The following TPD52L2 variants were observed in gnomAD, a reference collection of about 807,000 sequenced individuals.
TPD52L2 encodes tumor protein D54.
Under a neutral mutation model 24.7 loss-of-function variants are expected in TPD52L2, and 19 were observed. The ratio of observed to expected loss-of-function variants is 0.77; its 90% confidence interval spans 0.54 to 1.13. The LOEUF (loss-of-function observed/expected upper bound fraction) is 1.13. Ranked by LOEUF, TPD52L2 falls within the 50% of genes most tolerant of loss-of-function variation. The probability of loss-of-function intolerance (pLI) is 0.00; values close to 1 mark genes in which losing one functional copy is unlikely to be tolerated. For synonymous variants in TPD52L2, 104 were observed against 100.2 expected, an observed-to-expected ratio of 1.04 and a Z score of -0.23; for missense variants, 236 against 250.4, an observed-to-expected ratio of 0.94 and a Z score of 0.39.
chr20:63,876,793 G>A (rs1004874308), intron 4 of TPD52L2: 66 of 455,876 alleles, frequency 1.4e-4, no homozygotes, highest in Admixed American at 1.2e-3. Flanking sequence ...AACCCCGGGC[G>A]GTTCTCGGCA....
At chr20:63,885,948 C>T in intron 5 of TPD52L2, 5 of 1,560,180 alleles carry the variant, frequency 3.2e-6, no homozygotes, top group Non-Finnish European at 4.4e-6. Flanking sequence ...CCGAGGAGGG[C>T]TGTGAGTGGG....
At chr20:63,876,211 A>G (rs2052671686) in intron 4 of TPD52L2, among the ~76,000 whole-genome samples, 4 of 152,140 alleles carry the variant, frequency 2.6e-5, no homozygotes, top group South Asian at 4.1e-4. Flanking sequence ...GCTGGACAAC[A>G]CCACTTGGCC....
intron 5 of TPD52L2, among the ~76,000 whole-genome samples, chr20:63,886,430 G>A (rs534983600): frequency 1.5e-4 from 23 of 151,536 alleles, no homozygotes; most frequent in East Asian, 3.9e-4. Context: ...GCGCGATCTC[G>A]GCTCACTGCA....
chr20:63,887,831 C>G (rs1420037827), intron 5 of TPD52L2: 3 of 585,634 alleles, frequency 5.1e-6, no homozygotes, highest in Non-Finnish European at 9.1e-6. Context: ...AGAGGAGATC[C>G]TTGTGTCAAA....
At chr20:63,879,480 C>A (rs1412566723) in intron 4 of TPD52L2, among the ~76,000 whole-genome samples, 1 of 152,126 alleles carries the variant, frequency 6.6e-6, no homozygotes, top group Non-Finnish European at 1.5e-5. Flanking sequence ...GTGGTACTTA[C>A]CCACCCACAG....
chr20:63,887,414 G>A (rs1272625437), intron 5 of TPD52L2: 14 of 903,044 alleles, frequency 1.6e-5, no homozygotes, highest in East Asian at 2.4e-5. Flanking sequence ...AGTTTCCTTC[G>A]GGGGCATTGT....
chr20:63,875,135 C>CT (rs1181729140), intron 3 of TPD52L2, among the ~76,000 whole-genome samples: 1 of 146,146 alleles, frequency 6.8e-6, no homozygotes, highest in Non-Finnish European at 1.5e-5. Context: ...GAGCAAGACT[C>CT]TGTCTCAAAA....
chr20:63,871,515 A>G (rs2052463846), intron 2 of TPD52L2, among the ~76,000 whole-genome samples: 1 of 150,080 alleles, frequency 6.7e-6, no homozygotes, highest in Non-Finnish European at 1.5e-5. Flanking sequence ...ATGCCTGGCT[A>G]ATTTTTGTAT....
chr20:63,865,439 C>A, intron 1 of TPD52L2, 55 bp downstream of exon 1: 4 of 1,495,668 alleles, frequency 2.7e-6, no homozygotes, highest in Non-Finnish European at 3.5e-6. Context: ...GCCCGTTGTT[C>A]TCCGTCTCCC....
chr20:63,879,324 A>C (rs1357876542), intron 4 of TPD52L2, among the ~76,000 whole-genome samples: 1 of 152,122 alleles, frequency 6.6e-6, no homozygotes, highest in Non-Finnish European at 1.5e-5. Flanking sequence ...ATGGCACAGC[A>C]GGGACTGATC....
At position 63,873,659 on chromosome 20, in the gene TPD52L2, G is replaced by A. The variant is rs2052550619; in HGVS notation, c.166-9G>A. 9 of 1,611,366 alleles carry A rather than the reference G, an allele frequency of 5.6e-6. No individual in the cohort carries two copies. In the East Asian group the frequency reaches 2.0e-4, roughly 36 times the overall value. On this transcript the variant is annotated splice_polypyrimidine_tract_variant and intron_variant, in intron 2 of 6. Coordinates refer to ENST00000346249, the MANE Select transcript of TPD52L2 (RefSeq NM_003288.4). ...TGATGGCTCATCATGTCAACTGCAT[G>A]CTTTGCAGGTGGAAGAGGAAATTGT...
In TPD52L2 at chr20:63,887,640, G is replaced by A. The variant is rs369118030; in HGVS notation, c.477-1550G>A. The A allele has an allele frequency of 4.0e-5, 65 of 1,606,300 alleles. 1 individual carries two copies. Among genetic ancestry groups the A allele is most frequent in the Non-Finnish European group, 4.9e-5 (58 of 1,176,134 alleles). Reference sequence around the variant, plus strand: ...GCCTGCTCGCTGCGGCTCCAGAGCCGGGTGTCTCTGGTGGGGGTTGGGGCA... The same window carrying A: ...GCCTGCTCGCTGCGGCTCCAGAGCCAGGTGTCTCTGGTGGGGGTTGGGGCA... On this transcript the variant is annotated intron_variant, in intron 5 of 6. Transcript: ENST00000346249.
At position 63,867,651 on chromosome 20, in the gene TPD52L2, G is replaced by A. The variant is rs556467513; in HGVS notation, c.20-1645G>A. On this transcript the variant is annotated intron_variant, in intron 1 of 6. Coordinates refer to ENST00000346249, the MANE Select transcript of TPD52L2 (RefSeq NM_003288.4). ...GTGGAGCGCCAAGGAAGTGCACACGGCTCCAGTCCTATGGGACATTTGAAG... is the reference window on the plus strand; with the variant it reads ...GTGGAGCGCCAAGGAAGTGCACACGACTCCAGTCCTATGGGACATTTGAAG... Among the ~76,000 whole-genome samples the A allele has an allele frequency of 2.0e-5, 3 of 152,278 alleles. No homozygotes were observed. In the South Asian group the frequency reaches 6.2e-4, roughly 32 times the overall value.
At chr20:63,883,638 C>T (rs185329544) in intron 5 of TPD52L2, among the ~76,000 whole-genome samples, 1 of 152,246 alleles carries the variant, frequency 6.6e-6, no homozygotes, top group Non-Finnish European at 1.5e-5. Context: ...CAGAACTGGT[C>T]TTCTGGCTTT....
At chr20:63,871,392 C>A (rs903479092) in intron 2 of TPD52L2, among the ~76,000 whole-genome samples, 1 of 151,788 alleles carries the variant, frequency 6.6e-6, no homozygotes, top group Admixed American at 6.6e-5. Context: ...CTCTGTCGCC[C>A]AGGCTGGAGT....
chr20:63,869,972 C>T lies in TPD52L2; in HGVS notation c.165+531C>T, dbSNP rs2052398060. ...ACACAGTGAGACCTTGTCTCTACCC[C>T]CAAAAATTAGCCAGGTGTGGTGGCA... On this transcript the variant is annotated intron_variant, in intron 2 of 6. Coordinates refer to ENST00000346249, the MANE Select transcript of TPD52L2 (RefSeq NM_003288.4). 5.9e-5 allele frequency among the ~76,000 whole-genome samples: 9 copies of T among 152,104 alleles called. No individual in the cohort carries two copies. The South Asian group carries it at 1.9e-3, about 32-fold the overall frequency.
Position 63,869,408 on chromosome 20 carries a change from T to TGAG in TPD52L2, c.142_144dup (p.Glu48dup). 1.2e-6 allele frequency: 2 copies of TGAG among 1,614,202 alleles called. No individual in the cohort carries two copies. Among genetic ancestry groups the TGAG allele is most frequent in the Non-Finnish European group, 1.7e-6 (2 of 1,180,022 alleles). ...CTGCTGTTGAGGGTCTGACAGAGGCTGAGGAGGAGGAGCTCAGGGCTGAGC... is the reference window on the plus strand; with the variant it reads ...CTGCTGTTGAGGGTCTGACAGAGGCTGAGGAGGAGGAGGAGCTCAGGGCTGAGC... On this transcript the variant is annotated inframe_insertion, in exon 2 of 7. Coordinates refer to ENST00000346249, the MANE Select transcript of TPD52L2 (RefSeq NM_003288.4).
At chr20:63,884,016 A>G (rs948122841) in intron 5 of TPD52L2, among the ~76,000 whole-genome samples, 4 of 152,218 alleles carry the variant, frequency 2.6e-5, no homozygotes, top group Non-Finnish European at 5.9e-5. Context: ...GCCACTGCCC[A>G]GGAGCTGTGC....
chr20:63,887,776 C>T (rs747037411), intron 5 of TPD52L2: 88 of 663,868 alleles, frequency 1.3e-4, no homozygotes, highest in Non-Finnish European at 1.8e-4. Context: ...TCTAGGCTGA[C>T]GAGGAAGAGC....
Sources: allele counts gnomAD v4.1 joint callset (sites outside exome capture counted in the v4.1 genomes callset), GRCh38; gene constraint gnomAD v4.1.1; transcripts MANE v1.5; gene names NCBI Gene and HGNC (gene_info 2026-07-23, HGNC 2026-07-21).